The following RNF123 variants were observed in gnomAD, a reference collection of about 807,000 sequenced individuals.
RNF123 encodes the protein E3 ubiquitin-protein ligase RNF123.
Under a neutral mutation model 168.5 loss-of-function variants are expected in RNF123, and 86 were observed. The ratio of observed to expected loss-of-function variants is 0.51; its 90% CI spans 0.43 to 0.61. RNF123 has a LOEUF of 0.61. RNF123 is among the 20% of genes least tolerant of loss of function. The pLI, the probability that RNF123 is intolerant of heterozygous loss-of-function variation, is 0.00. For missense variants in RNF123, 1,419 were observed against 1,729.7 expected, an observed-to-expected ratio of 0.82 and a Z score of 3.19; for synonymous variants, 666 against 689.1, an observed-to-expected ratio of 0.97 and a Z score of 0.52.
intron 20 of RNF123, 122 bp downstream of exon 20, chr3:49,702,875 C>G (rs2054434388): frequency 1.4e-6 from 2 of 1,468,096 alleles, no homozygotes; most frequent in Non-Finnish European, 1.9e-6. Context: ...CCCCGGCATC[C>G]TGCCTGGTTG....
rs747891563 is a variant in RNF123 at position 49,704,966 on chromosome 3, C to T, written c.1960-18C>T. Reference sequence around the variant, plus strand: ...ACCCTGAGCCAGCCCTGGTCCTGGCCGCCTTTCTTCACTGCAGCGCCCCAT... The same window carrying T: ...ACCCTGAGCCAGCCCTGGTCCTGGCTGCCTTTCTTCACTGCAGCGCCCCAT... On this transcript the variant is annotated intron_variant, in intron 22 of 38. Coordinates refer to ENST00000327697, the MANE Select transcript of RNF123 (RefSeq NM_022064.5). The T allele has an allele frequency of 1.3e-5, 20 of 1,587,414 alleles. No individual in the cohort carries two copies. The highest frequency in any genetic ancestry group is 3.4e-5 in the South Asian group (3 of 88,186).
chr3:49,703,560 C>A, intron 21 of RNF123, 32 bp downstream of exon 21: 1 of 1,575,830 alleles, frequency 6.3e-7, no homozygotes. Context: ...GGGAGCAGTT[C>A]TGGGGCCAGG....
Position 49,701,887 on chromosome 3 carries a change from A to G in RNF123, c.1472A>G (p.Gln491Arg). ...LRRRAYERGC[Q>R]RLRKRIEVVE... ...CGGCGAGCCTACGAACGGGGCTGTC[A>G]GCGGCTCAGGAAGCGCATCGAAGGT... Residue 491 changes from glutamine (Q) to arginine (R), a missense_variant, in exon 17 of 39, where the codon CAG becomes CGG. Physicochemically the swap from Gln to Arg is conservative, Grantham distance 43. Coordinates refer to ENST00000327697, the MANE Select transcript of RNF123 (RefSeq NM_022064.5). The G allele has an allele frequency of 6.4e-7, 1 of 1,563,952 alleles. No individual in the cohort carries two copies.
At chr3:49,712,761 G>T (rs899125746) in intron 27 of RNF123, 105 bp downstream of exon 27, 10 of 1,309,336 alleles carry the variant, frequency 7.6e-6, no homozygotes, top group African/African-American at 7.3e-5. Flanking sequence ...ACACTTCTGT[G>T]GGGGGCGGGG....
At chr3:49,700,043 G>T in intron 12 of RNF123, 184 bp from the exon 13 acceptor site, 1 of 803,616 alleles carries the variant, frequency 1.2e-6, no homozygotes, top group African/African-American at 1.7e-5. Context: ...AGCCTTAGAG[G>T]AGCCGTGGGG....
chr3:49,716,007 A>G lies in RNF123; in HGVS notation c.3336A>G (p.Ala1112=). Residue 1112 remains alanine (A), a synonymous_variant, in exon 33 of 39, where the codon GCA becomes GCG. Transcript: ENST00000327697. ...PTSEMLLRRL[A]QLLNQVLNRV... ...CTGAGATGCTGCTGCGGCGTCTTGCACAGGTGTGGCCATCTGGGCAACAAG... is the reference window on the plus strand; with the variant it reads ...CTGAGATGCTGCTGCGGCGTCTTGCGCAGGTGTGGCCATCTGGGCAACAAG... 6.2e-7 allele frequency: 1 copy of G among 1,613,936 alleles called. No homozygotes were observed. The highest frequency in any genetic ancestry group is 1.6e-4 in the Middle Eastern group (1 of 6,062).
Position 49,721,167 on chromosome 3 carries a change from TC to T in RNF123, c.3825-14del. Reference sequence around the variant, plus strand: ...GTAGGTACATGCAGGGCAGTCCTCATCCCCTCCCCTGTTGTAGAGCCTGTAT... The same window carrying T: ...GTAGGTACATGCAGGGCAGTCCTCATCCCTCCCCTGTTGTAGAGCCTGTAT... On this transcript the variant is annotated splice_polypyrimidine_tract_variant and intron_variant, in intron 38 of 38. Coordinates refer to ENST00000327697, the MANE Select transcript of RNF123 (RefSeq NM_022064.5). The T allele has an allele frequency of 6.2e-7, 1 of 1,614,072 alleles. No homozygotes were observed. The highest frequency in any genetic ancestry group is 8.5e-7 in the Non-Finnish European group (1 of 1,180,012).
intron 16 of RNF123, 46 bp downstream of exon 16, chr3:49,701,654 C>G: frequency 6.5e-7 from 1 of 1,541,188 alleles, no homozygotes; most frequent in East Asian, 2.3e-5. Context: ...GGCAAGGCCC[C>G]TGGCCTGGGC....
At chr3:49,703,821 A>G (rs528821053) in intron 21 of RNF123, among the ~76,000 whole-genome samples, 1 of 152,302 alleles carries the variant, frequency 6.6e-6, no homozygotes, top group Admixed American at 6.5e-5. Flanking sequence ...GGATGAGCAC[A>G]AGCTGCCCCG....
At position 49,716,490 on chromosome 3, in the gene RNF123, G is replaced by T; in HGVS notation, c.3500+13G>T. ...GCCCAGCCTCAGAGTGAGTGTTGGG[G>T]ACCGTGGGCCCCTGTGGGAGTTGGG... On this transcript the variant is annotated intron_variant, in intron 35 of 38. Coordinates refer to ENST00000327697, the MANE Select transcript of RNF123 (RefSeq NM_022064.5). 1 of 1,611,980 alleles carries T rather than the reference G, an allele frequency of 6.2e-7. No homozygotes were observed. Among genetic ancestry groups the T allele is most frequent in the South Asian group, 1.1e-5 (1 of 90,928 alleles).
At chr3:49,715,772 G>A (rs974985314) in intron 32 of RNF123, 50 bp from the exon 33 acceptor site, 1 of 1,614,022 alleles carries the variant, frequency 6.2e-7, no homozygotes, top group African/African-American at 1.3e-5. Context: ...GCCTGGTCCT[G>A]GGCTAGAGCC....
intron 26 of RNF123, 53 bp from the exon 27 acceptor site, chr3:49,712,426 C>T (rs923661555): frequency 2.1e-5 from 34 of 1,589,082 alleles, no homozygotes; most frequent in African/African-American, 4.0e-5. Flanking sequence ...CAGGACATGC[C>T]CCCAAGACCC....
intron 5 of RNF123, 109 bp downstream of exon 5, chr3:49,697,566 A>G (rs1348067568): frequency 2.2e-6 from 2 of 889,192 alleles, no homozygotes; most frequent in African/African-American, 1.7e-5. Flanking sequence ...GGCTGCAGCC[A>G]AAACTTGTCC....
At chr3:49,702,053 T>C (rs1399785369) in intron 17 of RNF123, 30 bp from the exon 18 acceptor site, 14 of 1,610,538 alleles carry the variant, frequency 8.7e-6, no homozygotes, top group Admixed American at 1.7e-5. Flanking sequence ...TCCTGGAGCC[T>C]GAGGGCCATG....
chr3:49,700,049 T>A, intron 12 of RNF123, 178 bp from the exon 13 acceptor site: 4 of 839,190 alleles, frequency 4.8e-6, no homozygotes, highest in Non-Finnish European at 7.3e-6. Context: ...AGAGGAGCCG[T>A]GGGGCAATGG....
Position 49,701,830 on chromosome 3 carries a change from TGAA to T in RNF123, c.1417_1419del (p.Lys473del), listed in dbSNP as rs2054401078. The T allele has an allele frequency of 3.2e-6, 5 of 1,573,280 alleles. No homozygotes were observed. Among genetic ancestry groups the T allele is most frequent in the Non-Finnish European group, 2.6e-6 (3 of 1,159,634 alleles). On this transcript the variant is annotated inframe_deletion, in exon 17 of 39. Transcript: ENST00000327697. ...GCCTAGGGCAAAGAGAGCACGGAGA[TGAA>T]GGAGGAGACCGCAGAGGAGCGGCTG... is the stretch of plus-strand genomic sequence containing the variant.
In RNF123 at chr3:49,699,817, TGCTAGACAC is replaced by T; in HGVS notation, c.984+48_984+56del. ...GCATGGGAGGGGAGGAGACAGGCCATGCTAGACACGCCCGTGGTAGATGTGCCCTCACTG... is the reference window on the plus strand; with the variant it reads ...GCATGGGAGGGGAGGAGACAGGCCATGCCCGTGGTAGATGTGCCCTCACTG... On this transcript the variant is annotated intron_variant, in intron 12 of 38. Transcript: ENST00000327697. This position sits in a 1 kb window ranked among gnomAD's most constrained non-coding sequence, Gnocchi z 4.8. 6.4e-7 allele frequency: 1 copy of T among 1,570,198 alleles called. No homozygotes were observed. The highest frequency in any genetic ancestry group is 8.7e-7 in the Non-Finnish European group (1 of 1,142,968).
At chr3:49,718,693 G>A in intron 35 of RNF123, 1 of 1,612,982 alleles carries the variant, frequency 6.2e-7, no homozygotes, top group Non-Finnish European at 8.5e-7. Context: ...CACGCGGGAC[G>A]CGGGTACCTT....
intron 3 of RNF123, 188 bp from the exon 4 acceptor site, chr3:49,696,955 T>C: frequency 1.6e-6 from 1 of 627,836 alleles, no homozygotes; most frequent in Non-Finnish European, 2.9e-6. Context: ...CTGGACTGGT[T>C]ATACTTTTGA....
Sources: allele counts gnomAD v4.1 joint callset (sites outside exome capture counted in the v4.1 genomes callset), GRCh38; gene constraint gnomAD v4.1.1; non-coding constraint Gnocchi (gnomAD v3.1); transcripts MANE v1.5; gene names NCBI Gene and HGNC (gene_info 2026-07-23, HGNC 2026-07-21).